Variants in FHAD1 observed in about 807,000 individuals in gnomAD.
FHAD1 encodes forkhead associated phosphopeptide binding domain 1, also known as forkhead-associated domain-containing protein 1.
A neutral mutation model predicts 191.3 loss-of-function variants in FHAD1; 146 were observed. The observed-to-expected ratio is 0.76, with a 90% CI of 0.67 to 0.88. The LOEUF is 0.88. Ranked by LOEUF, FHAD1 falls within the 40% of genes least tolerant of loss-of-function variation. The pLI, the probability that FHAD1 is intolerant of heterozygous loss-of-function variation, is 0.00. For missense variants in FHAD1, 1,635 were observed against 1,785.8 expected (o/e 0.92, Z 1.52); for synonymous variants, 616 against 672.3 (o/e 0.92, Z 1.29).
intron 33 of FHAD1, among the ~76,000 whole-genome samples, chr1:15,394,411 T>A (rs567020211): frequency 6.6e-6 from 1 of 151,996 alleles, no homozygotes; most frequent in East Asian, 1.9e-4. Flanking sequence ...AAAGTAAGGG[T>A]TGTTTAGGGG....
intron 8 of FHAD1, among the ~76,000 whole-genome samples, chr1:15,313,662 T>C (rs1022198128): frequency 1.1e-4 from 17 of 152,198 alleles, no homozygotes; most frequent in African/African-American, 3.9e-4. Flanking sequence ...CGAAGCAGAA[T>C]GTTTGCAGGC....
intron 2 of FHAD1, among the ~76,000 whole-genome samples, chr1:15,253,395 C>T (rs191376190): frequency 3.9e-5 from 6 of 152,158 alleles, no homozygotes; most frequent in African/African-American, 1.4e-4. Flanking sequence ...ATCTATATGT[C>T]AATGTGGAAA....
intron 6 of FHAD1, among the ~76,000 whole-genome samples, chr1:15,304,771 C>T (rs1486471566): frequency 2.0e-5 from 3 of 152,162 alleles, no homozygotes; most frequent in Admixed American, 1.3e-4. Flanking sequence ...TCTCCAGTGT[C>T]TCAGATGCCC....
At chr1:15,279,154 G>A (rs1226504883) in intron 3 of FHAD1, among the ~76,000 whole-genome samples, 1 of 152,110 alleles carries the variant, frequency 6.6e-6, no homozygotes, top group Non-Finnish European at 1.5e-5. Flanking sequence ...TAAATTTGGT[G>A]CATGATTATA....
At chr1:15,388,374 C>T (rs377673502) in intron 32 of FHAD1, 7 of 1,247,388 alleles carry the variant, frequency 5.6e-6, no homozygotes, top group South Asian at 1.3e-5. Flanking sequence ...GCAGTTTGAA[C>T]GGATGACCTA....
chr1:15,328,190 C>T (rs1284978691), intron 12 of FHAD1, 87 bp from the exon 13 acceptor site: 2 of 1,092,342 alleles, frequency 1.8e-6, no homozygotes, highest in Non-Finnish European at 2.5e-6. Context: ...TTGCATCTCT[C>T]CCCTCTCCCA....
chr1:15,273,990 C>T (rs754961654), intron 3 of FHAD1, among the ~76,000 whole-genome samples: 12 of 152,164 alleles, frequency 7.9e-5, no homozygotes, highest in East Asian at 1.9e-4. Context: ...CGAAATCATA[C>T]GATATTTGTC....
At position 15,276,844 on chromosome 1, in the gene FHAD1, C is replaced by T. The variant is rs924710972; in HGVS notation, c.300+4315C>T. Reference sequence around the variant, plus strand: ...CACCACCTTGCACAACTCCAGTCACCATTCACAGTAGAGTCCACAAAGATG... The same window carrying T: ...CACCACCTTGCACAACTCCAGTCACTATTCACAGTAGAGTCCACAAAGATG... On this transcript the variant is annotated intron_variant, in intron 3 of 33. Transcript: ENST00000688493. The surrounding 1 kb of genome is among the most constrained non-coding windows in gnomAD (Gnocchi z 4.7). 6.6e-6 allele frequency among the ~76,000 whole-genome samples: 1 copy of T among 151,900 alleles called. No individual in the cohort carries two copies. The highest frequency in any genetic ancestry group is 1.5e-5 in the Non-Finnish European group (1 of 67,972).
intron 19 of FHAD1, among the ~76,000 whole-genome samples, chr1:15,351,132 G>C (rs989662030): frequency 1.3e-5 from 2 of 152,170 alleles, no homozygotes; most frequent in Non-Finnish European, 2.9e-5. Context: ...ATCACTTGAG[G>C]TTGGGAGTTC....
At chr1:15,309,677 A>ATT (rs574894791) in intron 7 of FHAD1, among the ~76,000 whole-genome samples, 3 of 145,104 alleles carry the variant, frequency 2.1e-5, no homozygotes, top group Non-Finnish European at 3.0e-5. Context: ...TTTTTTAGCG[A>ATT]TTTTTTTTTT....
intron 20 of FHAD1, among the ~76,000 whole-genome samples, chr1:15,357,582 C>G (rs571172926): frequency 6.7e-6 from 1 of 148,448 alleles, no homozygotes; most frequent in Non-Finnish European, 1.5e-5. Context: ...GAGATAGCAC[C>G]GTTGCGCTCC....
At chr1:15,349,937 C>T (rs978154205) in intron 19 of FHAD1, among the ~76,000 whole-genome samples, 1 of 152,192 alleles carries the variant, frequency 6.6e-6, no homozygotes, top group East Asian at 1.9e-4. Flanking sequence ...ACCCAGGTCA[C>T]ACCCTGGAAG....
intron 1 of FHAD1, among the ~76,000 whole-genome samples, chr1:15,241,410 T>C (rs553062061): frequency 6.6e-5 from 10 of 152,212 alleles, no homozygotes; most frequent in African/African-American, 2.4e-4. Context: ...ATCCCAGCAC[T>C]GTGGGAGGTG....
Position 15,247,614 on chromosome 1 carries a change from T to G in FHAD1, c.-15+219T>G, listed in dbSNP as rs1393835339. Among the ~76,000 whole-genome samples the G allele has an allele frequency of 2.0e-5, 3 of 151,790 alleles. No homozygotes were observed. In the East Asian group the frequency reaches 5.9e-4, roughly 30 times the overall value. On this transcript the variant is annotated intron_variant, in intron 1 of 33. Transcript: ENST00000688493. ...CCCGCGGAGGAAGCCCCCGGGAGCC[T>G]TAGACCCTCCTTGGCACCAGCCATG...
chr1:15,380,612 C>G (rs1700683765), intron 28 of FHAD1, 89 bp from the exon 29 acceptor site: 4 of 1,033,794 alleles, frequency 3.9e-6, no homozygotes, highest in Non-Finnish European at 5.8e-6. Context: ...TTGAGTTAAT[C>G]TTCGGTAATC....
At chr1:15,396,867 T>C (rs537310473) in intron 33 of FHAD1, among the ~76,000 whole-genome samples, 2 of 151,582 alleles carry the variant, frequency 1.3e-5, no homozygotes, top group South Asian at 2.1e-4. Context: ...ACATGGGAAG[T>C]GTCTAGTTCT....
intron 31 of FHAD1, among the ~76,000 whole-genome samples, chr1:15,382,546 G>A (rs750559052): frequency 7.9e-5 from 12 of 152,200 alleles, no homozygotes; most frequent in African/African-American, 9.6e-5. Context: ...CTGGCACGCG[G>A]TAGACACCCA....
intron 3 of FHAD1, among the ~76,000 whole-genome samples, chr1:15,288,225 G>T (rs12069352): frequency 4.3e-4 from 65 of 152,328 alleles, no homozygotes; most frequent in African/African-American, 1.6e-3. Context: ...TCATGGTGAG[G>T]AATCAATAAG....
chr1:15,317,587 A>C (rs1674886768), intron 9 of FHAD1, among the ~76,000 whole-genome samples: 1 of 152,288 alleles, frequency 6.6e-6, no homozygotes, highest in African/African-American at 2.4e-5. Flanking sequence ...ACTGACTTCC[A>C]AAAGAAACTA....
Sources: gnomAD v4.1 joint callset for allele counts (sites outside exome capture counted in the v4.1 genomes callset) on GRCh38, gnomAD v4.1.1 for gene constraint, Gnocchi (gnomAD v3.1) non-coding constraint, MANE v1.5 for transcripts, NCBI Gene and HGNC (gene_info 2026-07-23, HGNC 2026-07-21) for gene names.